Variants in GLG1 observed in about 807,000 individuals in gnomAD.
The protein encoded by GLG1 is Golgi apparatus protein 1.
A neutral mutation model predicts 160.5 loss-of-function variants in GLG1; 38 were observed. The ratio of observed to expected loss-of-function variants is 0.24; its 90% CI spans 0.18 to 0.31. GLG1 has a LOEUF of 0.31. Ranked by LOEUF, GLG1 falls within the 10% of genes least tolerant of loss-of-function variation. The pLI, the probability that GLG1 is intolerant of heterozygous loss-of-function variation, is 1.00. For synonymous variants in GLG1, 644 were observed against 543.4 expected (o/e 1.19, Z -2.57); for missense variants, 1,373 against 1,505.2 (o/e 0.91, Z 1.45).
chr16:74,562,040 A>G (rs1425158260), intron 1 of GLG1, among the ~76,000 whole-genome samples: 1 of 152,244 alleles, frequency 6.6e-6, no homozygotes, highest in East Asian at 1.9e-4. Flanking sequence ...GTCATTTTCA[A>G]CACGTTTTCT....
At chr16:74,592,372 G>A (rs1958204567) in intron 1 of GLG1, among the ~76,000 whole-genome samples, 1 of 152,030 alleles carries the variant, frequency 6.6e-6, no homozygotes, top group Admixed American at 6.6e-5. Flanking sequence ...TTGAATTCCT[G>A]ACATCAGGTG....
At chr16:74,606,590 C>G (rs1008117582) in intron 1 of GLG1, 67 bp downstream of exon 1, 25 of 1,389,384 alleles carry the variant, frequency 1.8e-5, no homozygotes, top group Non-Finnish European at 2.1e-5. Context: ...TCAGCGGCTT[C>G]CAAGGCCGGC....
At chr16:74,460,369 C>G (rs993185537) in intron 22 of GLG1, among the ~76,000 whole-genome samples, 1 of 152,176 alleles carries the variant, frequency 6.6e-6, no homozygotes, top group African/African-American at 2.4e-5. Flanking sequence ...GTTGGCCAGG[C>G]TGGTCTTGAA....
chr16:74,519,650 T>C (rs983716200), intron 2 of GLG1, among the ~76,000 whole-genome samples: 2 of 152,092 alleles, frequency 1.3e-5, no homozygotes, highest in Non-Finnish European at 2.9e-5. Flanking sequence ...CAAAGCTATG[T>C]TGAGTCAAAC....
At position 74,568,217 on chromosome 16, in the gene GLG1, T is replaced by C. The variant is rs552856823; in HGVS notation, c.439-36064A>G. On this transcript the variant is annotated intron_variant, in intron 1 of 25. Coordinates refer to ENST00000422840, the MANE Select transcript of GLG1 (RefSeq NM_001145667.2). ...TGCTAAGATGCCAAGTATCAATACC[T>C]ATCTAAGCCTGAAGCCTGTGCTAAA... Among the ~76,000 whole-genome samples the C allele has an allele frequency of 3.9e-5, 6 of 152,308 alleles. No individual in the cohort carries two copies. In the East Asian group the frequency reaches 9.6e-4, roughly 24 times the overall value.
intron 1 of GLG1, among the ~76,000 whole-genome samples, chr16:74,596,388 A>C (rs781365731): frequency 6.6e-6 from 1 of 151,306 alleles, no homozygotes; most frequent in Non-Finnish European, 1.5e-5. Flanking sequence ...AATTAGCCAG[A>C]AGTGGTGGCG....
At chr16:74,462,453 A>T in intron 21 of GLG1, 35 bp downstream of exon 21, 2 of 1,587,226 alleles carry the variant, frequency 1.3e-6, no homozygotes, top group Middle Eastern at 1.7e-4. Flanking sequence ...GAGGCTCCAT[A>T]AATACACCTT....
intron 1 of GLG1, among the ~76,000 whole-genome samples, chr16:74,602,205 T>C (rs1262179358): frequency 1.3e-5 from 2 of 152,182 alleles, no homozygotes; most frequent in Non-Finnish European, 2.9e-5. Context: ...TATTTAAATA[T>C]TTACAAAGCA....
intron 15 of GLG1, 61 bp from the exon 16 acceptor site, chr16:74,470,134 G>C (rs2015143539): frequency 3.0e-6 from 3 of 993,814 alleles, no homozygotes; most frequent in Admixed American, 1.7e-5. Context: ...AGTAGTGGTA[G>C]GGCGCACTTT....
At chr16:74,483,164 G>A in intron 9 of GLG1, 40 bp from the exon 10 acceptor site, 2 of 1,152,748 alleles carry the variant, frequency 1.7e-6, no homozygotes, top group Non-Finnish European at 2.6e-6. Context: ...AGAGAGAAGT[G>A]TTCAGAACTC....
At chr16:74,477,608 A>G in intron 11 of GLG1, 75 bp from the exon 12 acceptor site, 1 of 1,039,036 alleles carries the variant, frequency 9.6e-7, no homozygotes, top group Non-Finnish European at 1.4e-6. Context: ...TAAACCTGCT[A>G]TGAGGAAACT....
chr16:74,606,594 G>C, intron 1 of GLG1, 63 bp downstream of exon 1: 1 of 1,406,032 alleles, frequency 7.1e-7, no homozygotes, highest in Non-Finnish European at 9.7e-7. Context: ...CGGCTTCCAA[G>C]GCCGGCAACA....
chr16:74,542,953 T>C (rs1457063178), intron 1 of GLG1, among the ~76,000 whole-genome samples: 1 of 152,072 alleles, frequency 6.6e-6, no homozygotes, highest in African/African-American at 2.4e-5. Context: ...AAAATACAAA[T>C]GAGGGATGTA....
chr16:74,543,749 G>C (rs2017968385), intron 1 of GLG1, among the ~76,000 whole-genome samples: 1 of 151,982 alleles, frequency 6.6e-6, no homozygotes, highest in Admixed American at 6.6e-5. Context: ...GCCTTTTAAA[G>C]TGCTAATTTT....
chr16:74,587,292 C>A (rs1251746111), intron 1 of GLG1, among the ~76,000 whole-genome samples: 2 of 151,984 alleles, frequency 1.3e-5, no homozygotes, highest in African/African-American at 4.8e-5. Context: ...GAGAGGGAAC[C>A]CAAACAGAAT....
chr16:74,556,347 A>G (rs1238119926), intron 1 of GLG1, among the ~76,000 whole-genome samples: 3 of 152,204 alleles, frequency 2.0e-5, no homozygotes, highest in African/African-American at 4.8e-5. Context: ...TAAATACTTT[A>G]CTAGAAAATT....
intron 13 of GLG1, chr16:74,472,642 AATGAG>A (rs1273433522): frequency 8.5e-7 from 1 of 1,175,074 alleles, no homozygotes; most frequent in Admixed American, 2.1e-5. Flanking sequence ...GGCCTGAACA[AATGAG>A]AAGGCAGAAT....
chr16:74,480,363 C>T lies in GLG1; in HGVS notation c.1705G>A (p.Gly569Arg). ...LDPVLYRKCQGDASRLCHTHG... is the reference protein window; with the variant it reads ...LDPVLYRKCQRDASRLCHTHG... ...GTGTGGCAAAGACGAGAAGCGTCTC[C>T]CTGGCACTTGCGGTACAGGACAGGG... The change falls in exon 11 of 26, where the codon GGA becomes AGA. Residue 569 changes from glycine (G) to arginine (R), a missense_variant. By Grantham distance (125) the Gly-to-Arg change is moderately radical. Coordinates refer to ENST00000422840, the MANE Select transcript of GLG1 (RefSeq NM_001145667.2). 1 of 1,613,474 alleles carries T rather than the reference C, an allele frequency of 6.2e-7. No individual in the cohort carries two copies.
chr16:74,518,299 A>G (rs1225222417), intron 2 of GLG1, among the ~76,000 whole-genome samples: 5 of 152,170 alleles, frequency 3.3e-5, no homozygotes, highest in African/African-American at 1.2e-4. Flanking sequence ...ACTTCGAACT[A>G]TACTACAAGG....
Sources: gnomAD v4.1 joint callset for allele counts (sites outside exome capture counted in the v4.1 genomes callset) on GRCh38, gnomAD v4.1.1 for gene constraint, MANE v1.5 for transcripts, NCBI Gene and HGNC (gene_info 2026-07-23, HGNC 2026-07-21) for gene names.